Variants in SP4 observed in about 807,000 individuals in gnomAD.
SP4 encodes the protein Sp4 transcription factor, also known as transcription factor Sp4.
Under a neutral mutation model 72.8 loss-of-function variants are expected in SP4, and 19 were observed. The ratio of observed to expected loss-of-function variants is 0.26; its 90% confidence interval spans 0.18 to 0.38. SP4 has a LOEUF of 0.38. Ranked by LOEUF, SP4 falls within the 10% of genes least tolerant of loss-of-function variation. The pLI, the probability that SP4 is intolerant of heterozygous loss-of-function variation, is 1.00. For synonymous variants in SP4, 395 were observed against 333.1 expected (o/e 1.19, Z -2.02); for missense variants, 1,008 against 926.3 (o/e 1.09, Z -1.14).
intron 3 of SP4, among the ~76,000 whole-genome samples, chr7:21,455,631 A>C (rs553074402): frequency 2.0e-5 from 3 of 152,312 alleles, no homozygotes; most frequent in Admixed American, 6.5e-5. Flanking sequence ...CACCAATATG[A>C]ACAGGGCCCC....
chr7:21,445,956 A>G (rs986376427), intron 3 of SP4, among the ~76,000 whole-genome samples: 2 of 145,576 alleles, frequency 1.4e-5, no homozygotes, highest in Non-Finnish European at 2.9e-5. Flanking sequence ...TCCAAAACAT[A>G]TGATCGAGTT....
intron 3 of SP4, among the ~76,000 whole-genome samples, chr7:21,458,345 A>G (rs950887635): frequency 5.9e-5 from 9 of 152,102 alleles, no homozygotes; most frequent in Non-Finnish European, 1.0e-4. Flanking sequence ...GGCAACTGCC[A>G]TCATGCCTGG....
chr7:21,468,190 C>T (rs530375553), intron 3 of SP4, among the ~76,000 whole-genome samples: 45 of 152,222 alleles, frequency 3.0e-4, no homozygotes, highest in African/African-American at 1.1e-3. Flanking sequence ...AAGCTAACAG[C>T]ACCTTATTTT....
intron 3 of SP4, among the ~76,000 whole-genome samples, chr7:21,432,063 AATGTTT>A (rs1306237093): frequency 6.6e-6 from 1 of 152,200 alleles, no homozygotes; most frequent in Non-Finnish European, 1.5e-5. Context: ...TGATGTTGGA[AATGTTT>A]ATGTTTTCTA....
At chr7:21,461,749 C>T (rs767464434) in intron 3 of SP4, among the ~76,000 whole-genome samples, 20 of 152,160 alleles carry the variant, frequency 1.3e-4, no homozygotes, top group Non-Finnish European at 2.2e-4. Context: ...GCGCCGAGGC[C>T]GAGGAGGCAC....
chr7:21,433,286 A>G (rs568851308), intron 3 of SP4, among the ~76,000 whole-genome samples: 11 of 152,316 alleles, frequency 7.2e-5, no homozygotes, highest in African/African-American at 2.6e-4. Context: ...AGAGGAGGAA[A>G]TTTGAACTCT....
chr7:21,505,896 TC>T (rs1352263666), intron 5 of SP4, among the ~76,000 whole-genome samples: 1 of 152,182 alleles, frequency 6.6e-6, no homozygotes, highest in African/African-American at 2.4e-5. Context: ...GCAAACTACT[TC>T]TGGTTGTTTT....
Position 21,496,810 on chromosome 7 carries a change from C to T in SP4, c.2108-14212C>T, listed in dbSNP as rs189376760. Among the ~76,000 whole-genome samples, 4 of 152,280 alleles carry T rather than the reference C, an allele frequency of 2.6e-5. No individual in the cohort carries two copies. In the East Asian group the frequency reaches 7.7e-4, roughly 29 times the overall value. On this transcript the variant is annotated intron_variant, in intron 5 of 5. Transcript: ENST00000222584. ...TGCATGTTGCAGCTTGCCTTCAGCA[C>T]TCAGCCAGTCATTTGACATCTCTGC...
rs1259810583 is a variant in SP4, at chr7:21,457,122, TAAATA to T, written c.1679-19950_1679-19946del. 7.2e-5 allele frequency among the ~76,000 whole-genome samples: 11 copies of T among 152,344 alleles called. No homozygotes were observed. The East Asian group carries it at 1.9e-3, about 27-fold the overall frequency. On this transcript the variant is annotated intron_variant, in intron 3 of 5. Transcript: ENST00000222584. ...GCTCCCCAGGGAGCCTATAACTTCC[TAAATA>T]AAATAAGATTTTTTTATATATTGAG... is the stretch of plus-strand genomic sequence containing the variant.
intron 5 of SP4, among the ~76,000 whole-genome samples, chr7:21,485,894 T>C (rs1784800794): frequency 6.6e-6 from 1 of 152,030 alleles, no homozygotes; most frequent in Admixed American, 6.5e-5. Context: ...TGAGATTTCT[T>C]CCCTTCTCTG....
In SP4 at chr7:21,430,678, A is replaced by C. The variant is rs1190487869; in HGVS notation, c.1513A>C (p.Thr505Pro). ...CACCCCAGTGTCTTCAAGTGGTGGC[A>C]CAACTCTTGCTCAGATTGCTCCTGT... Reference protein sequence around the residue: ...TITPVSSSGGTTLAQIAPVAV... With the variant: ...TITPVSSSGGPTLAQIAPVAV... The change falls in exon 3 of 6, where the codon ACA (threonine) becomes CCA (proline). Residue 505 changes from threonine (T) to proline (P), a missense_variant. Coordinates refer to ENST00000222584, the MANE Select transcript of SP4 (RefSeq NM_003112.5). The C allele has an allele frequency of 4.3e-6, 7 of 1,614,124 alleles. No homozygotes were observed. The highest frequency in any genetic ancestry group is 5.1e-6 in the Non-Finnish European group (6 of 1,180,050).
chr7:21,475,237 C>T (rs779111304), intron 3 of SP4, among the ~76,000 whole-genome samples: 12 of 151,786 alleles, frequency 7.9e-5, no homozygotes, highest in Admixed American at 3.9e-4. Context: ...GCCTCAGCTT[C>T]CCAAGTAGCT....
intron 3 of SP4, among the ~76,000 whole-genome samples, chr7:21,439,780 C>T (rs1362900776): frequency 6.6e-6 from 1 of 152,070 alleles, no homozygotes; most frequent in South Asian, 2.1e-4. Context: ...TGTTTGTAGT[C>T]CCAGCCACTC....
chr7:21,477,079 G>T lies in SP4; in HGVS notation c.1679G>T (p.Gly560Val). ...GVPVTITSVA[G>V]QQQGQDGVKV... is the part of the protein sequence containing the mutation. ...ACTTCTTTTTTTTCTTCCTTTTTAG[G>T]TCAGCAGCAAGGACAAGATGGAGTA... is the stretch of plus-strand genomic sequence containing the variant. The change falls in exon 4 of 6, where the codon GGT (glycine) becomes GTT (valine). Residue 560 changes from glycine (G) to valine (V), a missense_variant and splice_region_variant. Gly to Val is a moderately radical substitution (Grantham distance 109). Around this residue, in one of 3 missense-constraint regions of SP4, gnomAD observed 893 missense variants for 743.3 expected, o/e 1.20. Transcript: ENST00000222584. The T allele has an allele frequency of 2.5e-6, 4 of 1,608,970 alleles. No homozygotes were observed. Among genetic ancestry groups the T allele is most frequent in the Non-Finnish European group, 3.4e-6 (4 of 1,176,400 alleles).
rs555243817 is a variant in SP4 at position 21,439,163 on chromosome 7, T to C, written c.1678+8320T>C. Among the ~76,000 whole-genome samples the C allele has an allele frequency of 3.9e-5, 6 of 152,334 alleles. No individual in the cohort carries two copies. The South Asian group carries it at 1.0e-3, about 26-fold the overall frequency. ...TTAACCATAGTTGTGTTTCTGATAC[T>C]GTCACTTTAGTGTGAACAATGTGAT... On this transcript the variant is annotated intron_variant, in intron 3 of 5. Coordinates refer to ENST00000222584, the MANE Select transcript of SP4 (RefSeq NM_003112.5).
intron 3 of SP4, among the ~76,000 whole-genome samples, chr7:21,459,306 A>G (rs1016056988): frequency 6.6e-6 from 1 of 152,086 alleles, no homozygotes; most frequent in African/African-American, 2.4e-5. Context: ...TTTTTAGTAG[A>G]GACAGGGTTT....
Position 21,428,176 on chromosome 7 carries a change from T to TCCAGCCCCCCCCCCCCCC in SP4, c.-74_-73insAGCCCCCCCCCCCCCCCC. On this transcript the variant is annotated 5_prime_UTR_variant, in exon 1 of 6. Transcript: ENST00000222584. ...ACCGCGGGCGGGCGGGACCGGCCTC[T>TCCAGCCCCCCCCCCCCCC]CCTCCCGCCTCGCCCCCACCCCCAC... is the stretch of plus-strand genomic sequence containing the variant. The TCCAGCCCCCCCCCCCCCC allele has an allele frequency of 1.4e-6, 1 of 718,778 alleles. No homozygotes were observed. The highest frequency in any genetic ancestry group is 2.5e-6 in the Non-Finnish European group (1 of 396,142). The allele number at this position is 718,778 out of a possible 1,614,324, so 44.5% of individuals were successfully genotyped here.
intron 3 of SP4, among the ~76,000 whole-genome samples, chr7:21,461,150 C>T (rs1224752786): frequency 3.3e-5 from 5 of 152,236 alleles, no homozygotes; most frequent in Admixed American, 3.3e-4. Context: ...GGATTTCGCA[C>T]CAGGGCTGCA....
At chr7:21,495,930 T>C (rs1213808369) in intron 5 of SP4, among the ~76,000 whole-genome samples, 1 of 152,176 alleles carries the variant, frequency 6.6e-6, no homozygotes, top group Non-Finnish European at 1.5e-5. Flanking sequence ...AAGGAATGAA[T>C]TATTAATAAA....
Sources: allele counts gnomAD v4.1 joint callset (sites outside exome capture counted in the v4.1 genomes callset), GRCh38; gene constraint gnomAD v4.1.1; regional missense constraint gnomAD v4.1.1; transcripts MANE v1.5; gene names NCBI Gene and HGNC (gene_info 2026-07-23, HGNC 2026-07-21).